AMBRA1: variants seen among roughly 807,000 people sequenced by gnomAD.
AMBRA1 encodes autophagy and beclin 1 regulator 1, also known as activating molecule in BECN1-regulated autophagy protein 1.
AMBRA1 carries 47 observed loss-of-function variants against 125.4 expected under a neutral mutation model. That is an observed-to-expected ratio of 0.37 (90% confidence interval 0.30 to 0.48). The LOEUF is 0.48. AMBRA1 is among the 20% of genes least tolerant of loss of function. The pLI is 0.99. For missense variants in AMBRA1, 1,331 were observed against 1,693.4 expected (o/e 0.79, Z 3.76); for synonymous variants, 626 against 655.5 (o/e 0.95, Z 0.69).
chr11:46,506,114 CTG>C (rs1951027770), intron 9 of AMBRA1, among the ~76,000 whole-genome samples: 1 of 152,212 alleles, frequency 6.6e-6, no homozygotes, highest in Non-Finnish European at 1.5e-5. Context: ...ACATATTTCA[CTG>C]TAAGTATCTG....
At chr11:46,572,299 CAA>C (rs982452418) in intron 1 of AMBRA1, among the ~76,000 whole-genome samples, 2 of 144,366 alleles carry the variant, frequency 1.4e-5, no homozygotes, top group Non-Finnish European at 3.1e-5. Flanking sequence ...GATTCCATCT[CAA>C]AAAAAAAAAG....
In AMBRA1 at chr11:46,397,326, C is replaced by T. The variant is rs1388041061; in HGVS notation, c.*124G>A. ...TGACTGATCTTCCTCTCCACCCTGA[C>T]CCTCTTCCTCCTCCTGTTCCCTGAT... On this transcript the variant is annotated 3_prime_UTR_variant, in exon 18 of 18. Coordinates refer to ENST00000683756, the MANE Select transcript of AMBRA1 (RefSeq NM_001387011.1). 23 of 1,313,762 alleles carry T rather than the reference C, an allele frequency of 1.8e-5. No homozygotes were observed. Among genetic ancestry groups the T allele is most frequent in the East Asian group, 2.6e-5 (1 of 38,686 alleles). The allele number at this position is 1,313,762 out of a possible 1,614,324, so 81.4% of individuals were successfully genotyped here.
chr11:46,529,213 A>G (rs1952109999), intron 7 of AMBRA1, among the ~76,000 whole-genome samples: 1 of 152,210 alleles, frequency 6.6e-6, no homozygotes, highest in African/African-American at 2.4e-5. Flanking sequence ...ATAGTCCAAA[A>G]GAAGGTTGCT....
intron 17 of AMBRA1, among the ~76,000 whole-genome samples, chr11:46,405,815 C>T (rs1347155761): frequency 6.6e-6 from 1 of 150,900 alleles, no homozygotes; most frequent in African/African-American, 2.4e-5. Flanking sequence ...ACTGCAGTCG[C>T]CACCTTCCAG....
chr11:46,411,719 T>C (rs1261176429), intron 15 of AMBRA1, among the ~76,000 whole-genome samples: 1 of 152,212 alleles, frequency 6.6e-6, no homozygotes. Context: ...TCTGCCCACC[T>C]TGGCCTCCCA....
At chr11:46,425,731 C>T (rs543200605) in intron 14 of AMBRA1, among the ~76,000 whole-genome samples, 107 of 151,944 alleles carry the variant, frequency 7.0e-4, no homozygotes, top group African/African-American at 2.6e-3. Context: ...CCCAGCTACT[C>T]GGGAGGCTGA....
intron 1 of AMBRA1, among the ~76,000 whole-genome samples, chr11:46,579,185 T>C (rs1393815265): frequency 6.6e-6 from 1 of 151,536 alleles, no homozygotes; most frequent in Non-Finnish European, 1.5e-5. Context: ...GGGCCGGGCA[T>C]GGTGGCTCAC....
intron 7 of AMBRA1, among the ~76,000 whole-genome samples, chr11:46,524,164 G>T (rs571013476): frequency 2.0e-5 from 3 of 152,088 alleles, no homozygotes; most frequent in Non-Finnish European, 2.9e-5. Flanking sequence ...CACCGCACCC[G>T]GCCTAATGTC....
intron 12 of AMBRA1, among the ~76,000 whole-genome samples, chr11:46,442,289 T>A (rs117749211): frequency 6.6e-6 from 1 of 151,944 alleles, no homozygotes; most frequent in African/African-American, 2.4e-5. Context: ...AAAACAGGCA[T>A]GCACCACCAC....
Position 46,512,737 on chromosome 11 carries a change from C to A in AMBRA1, c.2149G>T (p.Asp717Tyr). 1 of 1,613,296 alleles carries A rather than the reference C, an allele frequency of 6.2e-7. No individual in the cohort carries two copies. The change falls in exon 8 of 18, where the codon GAC (aspartate) becomes TAC (tyrosine). Residue 717 changes from aspartate to tyrosine, a missense_variant. By Grantham distance (160) the Asp-to-Tyr change is radical. This residue lies in a region of AMBRA1 where 689 missense variants were observed against 776.5 expected (regional missense o/e 0.89). Coordinates refer to ENST00000683756, the MANE Select transcript of AMBRA1 (RefSeq NM_001387011.1). Reference sequence around the variant, plus strand: ...TCACTTTGGCCTTACCTCGCTGGGTCTGGGTAAATTGGGTGCTCTCTGGAT... The same window carrying A: ...TCACTTTGGCCTTACCTCGCTGGGTATGGGTAAATTGGGTGCTCTCTGGAT... ...AGSREHPIYPDPARLSPAAYY... is the reference protein window; with the variant it reads ...AGSREHPIYPYPARLSPAAYY...
intron 7 of AMBRA1, among the ~76,000 whole-genome samples, chr11:46,539,700 C>A (rs1475800471): frequency 2.0e-5 from 3 of 152,210 alleles, no homozygotes; most frequent in Non-Finnish European, 4.4e-5. Flanking sequence ...CTGAGCCTCA[C>A]TTTCCTCAAC....
intron 11 of AMBRA1, among the ~76,000 whole-genome samples, chr11:46,460,602 C>A (rs928672329): frequency 1.3e-5 from 2 of 152,096 alleles, no homozygotes; most frequent in Non-Finnish European, 2.9e-5. Flanking sequence ...GCATTACAGG[C>A]GTGAGCCACC....
chr11:46,498,951 T>TCAACTCAGCACTC (rs1290231573), intron 9 of AMBRA1, among the ~76,000 whole-genome samples: 1 of 152,240 alleles, frequency 6.6e-6, no homozygotes, highest in African/African-American at 2.4e-5. Flanking sequence ...ACTCATTTCC[T>TCAACTCAGCACTC]TACTGGAGTG....
At chr11:46,459,961 CAGAATAATACCCTG>C (rs1455787078) in intron 11 of AMBRA1, among the ~76,000 whole-genome samples, 1 of 152,104 alleles carries the variant, frequency 6.6e-6, no homozygotes, top group African/African-American at 2.4e-5. Context: ...GAGTGCCGGT[CAGAATAATACCCTG>C]AGATGCCTTT....
At chr11:46,574,428 A>AT (rs1591165778) in intron 1 of AMBRA1, among the ~76,000 whole-genome samples, 1 of 151,384 alleles carries the variant, frequency 6.6e-6, no homozygotes, top group Non-Finnish European at 1.5e-5. Context: ...GATGATGAGC[A>AT]TTTTTTCATG....
At position 46,559,023 on chromosome 11, in the gene AMBRA1, G is replaced by C. The variant is rs542624934; in HGVS notation, c.-120-10523C>G. On this transcript the variant is annotated intron_variant, in intron 1 of 17. Transcript: ENST00000683756. ...TACCTTAAAAAGAAAAACCTAAGCC[G>C]GGTGCAGTGGCTCACTCCTGTAATC... Among the ~76,000 whole-genome samples, 134 of 152,210 alleles carry C rather than the reference G, an allele frequency of 8.8e-4. 5 individuals carry two copies. The South Asian group carries it at 0.027, about 31-fold the overall frequency.
chr11:46,485,030 C>T (rs1339014088), intron 11 of AMBRA1, among the ~76,000 whole-genome samples: 4 of 151,452 alleles, frequency 2.6e-5, no homozygotes, highest in East Asian at 1.9e-4. Flanking sequence ...CTTTGCCTCC[C>T]GGGTTCAAGC....
At chr11:46,470,588 CAA>C (rs766521795) in intron 11 of AMBRA1, among the ~76,000 whole-genome samples, 7 of 53,434 alleles carry the variant, frequency 1.3e-4, no homozygotes, top group Admixed American at 4.3e-4. Flanking sequence ...GACTCCGTCT[CAA>C]AAAAAAAAAA....
In AMBRA1 at chr11:46,468,744, G is replaced by A. The variant is rs572261204; in HGVS notation, c.2521+24864C>T. Among the ~76,000 whole-genome samples, 544 of 150,212 alleles carry A rather than the reference G, an allele frequency of 3.6e-3. 2 individuals are homozygous for A. The highest frequency in any genetic ancestry group is 6.8e-3 in the Middle Eastern group (2 of 292). ...GGAGAATGGCGTGAACCTGGGAGGC[G>A]GAGCTTGCAGTGAGCCGAGATCACA... is the stretch of plus-strand genomic sequence containing the variant. On this transcript the variant is annotated intron_variant, in intron 11 of 17. Transcript: ENST00000683756.
Sources: allele counts gnomAD v4.1 joint callset (sites outside exome capture counted in the v4.1 genomes callset), GRCh38; gene constraint gnomAD v4.1.1; regional missense constraint gnomAD v4.1.1; transcripts MANE v1.5; gene names NCBI Gene and HGNC (gene_info 2026-07-23, HGNC 2026-07-21).